Variants in DISC1 observed in about 807,000 individuals in gnomAD.
DISC1 encodes the protein disrupted in schizophrenia 1 protein.
In DISC1, 57 loss-of-function variants were observed where a neutral mutation model predicts 84.5. That is an observed-to-expected ratio of 0.67 (90% CI 0.55 to 0.84). The LOEUF is 0.84. DISC1 is among the 40% of genes least tolerant of loss of function. The pLI, the probability that DISC1 is intolerant of heterozygous loss-of-function variation, is 0.00. For synonymous variants in DISC1, 411 were observed against 415.2 expected, an observed-to-expected ratio of 0.99 and a Z score of 0.12; for missense variants, 1,000 against 1,057.8, an observed-to-expected ratio of 0.95 and a Z score of 0.76.
intron 1 of DISC1, among the ~76,000 whole-genome samples, chr1:231,631,436 G>A (rs2058699712): frequency 1.3e-5 from 2 of 152,138 alleles, no homozygotes; most frequent in African/African-American, 4.8e-5. Context: ...CCTTCAGGAG[G>A]TATCAGAAGA....
At chr1:231,886,746 TCTTCCTTTCTTCCTTC>T (rs2086706392) in intron 9 of DISC1, among the ~76,000 whole-genome samples, 2 of 149,198 alleles carry the variant, frequency 1.3e-5, no homozygotes, top group African/African-American at 5.0e-5. Flanking sequence ...TCTTTCTCTT[TCTTCCTTTCTTCCTTC>T]CTTCCTTTCT....
At chr1:231,907,307 C>G (rs1453125880) in intron 9 of DISC1, among the ~76,000 whole-genome samples, 1 of 151,386 alleles carries the variant, frequency 6.6e-6, no homozygotes, top group East Asian at 1.9e-4. Flanking sequence ...CTAATGCTAT[C>G]CCTCCCCACT....
chr1:231,857,310 C>T (rs947799204), intron 9 of DISC1, among the ~76,000 whole-genome samples: 7 of 152,208 alleles, frequency 4.6e-5, no homozygotes, highest in Non-Finnish European at 1.0e-4. Flanking sequence ...CTTACTTTTT[C>T]ACACATTTCG....
intron 9 of DISC1, among the ~76,000 whole-genome samples, chr1:231,934,244 C>G (rs1365559014): frequency 6.6e-6 from 1 of 152,162 alleles, no homozygotes; most frequent in African/African-American, 2.4e-5. Context: ...CATCTCCTTC[C>G]TCTCCTTTTG....
chr1:232,022,123 G>A (rs530082276), intron 11 of DISC1, among the ~76,000 whole-genome samples: 1 of 152,262 alleles, frequency 6.6e-6, no homozygotes, highest in East Asian at 1.9e-4. Flanking sequence ...TTTAACAGGA[G>A]AAGTAATAAA....
rs2103077644 is a variant in DISC1 at position 232,039,965 on chromosome 1, T to C, written c.*3134T>C. On this transcript the variant is annotated 3_prime_UTR_variant, in exon 13 of 13. Coordinates refer to ENST00000439617, the MANE Select transcript of DISC1 (RefSeq NM_018662.3). Reference sequence around the variant, plus strand: ...AGTTAGGACATGCTATCAGTAATAGTCCCAGTTCCATCCAACTTTCTGAAA... The same window carrying C: ...AGTTAGGACATGCTATCAGTAATAGCCCCAGTTCCATCCAACTTTCTGAAA... 1 of 152,102 alleles carries C rather than the reference T, an allele frequency of 6.6e-6. No individual in the cohort carries two copies. The highest frequency in any genetic ancestry group is 2.4e-5 in the African/African-American group (1 of 41,462). The allele number at this position is 152,102 out of a possible 1,614,324, so 9.4% of individuals were successfully genotyped here. A position where few individuals can be genotyped will look rare whatever the true frequency, so the allele number is the denominator to read the frequency against.
intron 10 of DISC1, among the ~76,000 whole-genome samples, chr1:231,960,380 A>G (rs1239718714): frequency 6.6e-6 from 1 of 152,010 alleles, no homozygotes; most frequent in Admixed American, 6.5e-5. Flanking sequence ...CAGCTTCCCA[A>G]GTAGCTTGGA....
chr1:231,635,466 G>A lies in DISC1; in HGVS notation c.67+8532G>A, dbSNP rs551297645. On this transcript the variant is annotated intron_variant, in intron 1 of 12. Transcript: ENST00000439617. ...CAGCCTTCCCTGGTTCTCTGGAATCGTCTGCTCTCTCCTTCTTCTGTTATA... is the reference window on the plus strand; with the variant it reads ...CAGCCTTCCCTGGTTCTCTGGAATCATCTGCTCTCTCCTTCTTCTGTTATA... 2.4e-4 allele frequency among the ~76,000 whole-genome samples: 37 copies of A among 151,966 alleles called. No homozygotes were observed. In the South Asian group the frequency reaches 7.3e-3, roughly 30 times the overall value.
chr1:231,693,868 G>C lies in DISC1; in HGVS notation c.110G>C (p.Arg37Pro). 6.2e-7 allele frequency: 1 copy of C among 1,614,030 alleles called. No individual in the cohort carries two copies. The highest frequency in any genetic ancestry group is 8.5e-7 in the Non-Finnish European group (1 of 1,180,026). Reference protein sequence around the residue: ...CLPPAACFRRRRLARRPGYMR... With the variant: ...CLPPAACFRRPRLARRPGYMR... ...CCACCTGCAGCGTGCTTTCGGAGGC[G>C]GCGGCTGGCACGGAGGCCGGGCTAC... is the stretch of plus-strand genomic sequence containing the variant. The change falls in exon 2 of 13, where the codon CGG becomes CCG. Residue 37 changes from arginine (R) to proline (P), a missense_variant. This residue lies in a region of DISC1 where 292 missense variants were observed against 280.2 expected (regional missense o/e 1.04). Coordinates refer to ENST00000439617, the MANE Select transcript of DISC1 (RefSeq NM_018662.3).
At chr1:231,676,053 T>C (rs1377393644) in intron 1 of DISC1, among the ~76,000 whole-genome samples, 2 of 152,210 alleles carry the variant, frequency 1.3e-5, no homozygotes, top group Non-Finnish European at 2.9e-5. Flanking sequence ...TTCACTGTGT[T>C]GGTCAGGCCG....
At chr1:232,033,821 G>A (rs1670273939) in intron 12 of DISC1, among the ~76,000 whole-genome samples, 1 of 152,270 alleles carries the variant, frequency 6.6e-6, no homozygotes, top group South Asian at 2.1e-4. Flanking sequence ...CATTTCCATT[G>A]TGAATATCAC....
intron 1 of DISC1, among the ~76,000 whole-genome samples, chr1:231,650,897 T>C (rs563003490): frequency 2.0e-5 from 3 of 152,366 alleles, no homozygotes; most frequent in Non-Finnish European, 4.4e-5. Flanking sequence ...TCTTGTGCCA[T>C]GGTTTTCAGC....
At chr1:231,685,349 C>G (rs2064139118) in intron 1 of DISC1, among the ~76,000 whole-genome samples, 2 of 151,934 alleles carry the variant, frequency 1.3e-5, no homozygotes, top group Non-Finnish European at 2.9e-5. Flanking sequence ...GAAGATATAC[C>G]CGAGACTTGG....
intron 3 of DISC1, among the ~76,000 whole-genome samples, chr1:231,725,642 G>T (rs1445118770): frequency 1.3e-5 from 2 of 152,244 alleles, no homozygotes; most frequent in Non-Finnish European, 2.9e-5. Context: ...TAAGATGATT[G>T]CTGTCTAACA....
chr1:231,824,037 A>C (rs1185224334), intron 9 of DISC1, among the ~76,000 whole-genome samples: 1 of 152,160 alleles, frequency 6.6e-6, no homozygotes, highest in African/African-American at 2.4e-5. Context: ...CCAATTTCTG[A>C]CATTATTTCA....
chr1:231,945,737 G>T (rs1657049900), intron 9 of DISC1, among the ~76,000 whole-genome samples: 2 of 152,116 alleles, frequency 1.3e-5, no homozygotes, highest in Admixed American at 1.3e-4. Flanking sequence ...AAGAAGAATA[G>T]AGAGAAGAAT....
At chr1:231,767,016 G>C in intron 4 of DISC1, 124 bp from the exon 5 acceptor site, 1 of 1,273,220 alleles carries the variant, frequency 7.9e-7, no homozygotes, top group Non-Finnish European at 1.1e-6. Flanking sequence ...AAACAGGTAA[G>C]TACCCTCCTA....
chr1:231,822,893 C>G (rs984146682), intron 9 of DISC1, among the ~76,000 whole-genome samples: 2 of 152,096 alleles, frequency 1.3e-5, no homozygotes, highest in African/African-American at 4.8e-5. Context: ...TTTTAACAAC[C>G]AGCTCTCCCA....
chr1:231,839,339 T>C (rs1376853614), intron 9 of DISC1, among the ~76,000 whole-genome samples: 2 of 152,216 alleles, frequency 1.3e-5, no homozygotes, highest in Non-Finnish European at 2.9e-5. Context: ...TATTGACCTC[T>C]TAGGACCATG....
Sources: gnomAD v4.1 joint callset for allele counts (sites outside exome capture counted in the v4.1 genomes callset) on GRCh38, gnomAD v4.1.1 for gene constraint, gnomAD v4.1.1 regional missense constraint, MANE v1.5 for transcripts, NCBI Gene and HGNC (gene_info 2026-07-23, HGNC 2026-07-21) for gene names.